Variants in CDK17 observed in about 807,000 individuals in gnomAD.
The protein encoded by CDK17 is cyclin-dependent kinase 17.
In CDK17, 24 loss-of-function variants were observed where a neutral mutation model predicts 77.6. The observed-to-expected ratio is 0.31, with a 90% CI of 0.22 to 0.44. The LOEUF is 0.44. CDK17 is among the 20% of genes least tolerant of loss of function. The probability of loss-of-function intolerance (pLI) is 1.00; values close to 1 mark genes in which losing one functional copy is unlikely to be tolerated. For missense variants in CDK17, 429 were observed against 622.5 expected (o/e 0.69, Z 3.31); for synonymous variants, 203 against 210.4 (o/e 0.96, Z 0.30).
At chr12:96,351,829 T>G (rs150550789) in intron 1 of CDK17, among the ~76,000 whole-genome samples, 7 of 152,334 alleles carry the variant, frequency 4.6e-5, no homozygotes, top group African/African-American at 1.7e-4. Flanking sequence ...ATACCAATTA[T>G]GCTGAACACA....
At chr12:96,287,669 G>A (rs1044432376) in intron 11 of CDK17, among the ~76,000 whole-genome samples, 7 of 151,966 alleles carry the variant, frequency 4.6e-5, no homozygotes, top group Non-Finnish European at 7.4e-5. Flanking sequence ...AAAAAGAGAA[G>A]GAGAGAGAGA....
At position 96,385,240 on chromosome 12, in the gene CDK17, A is replaced by C. The variant is rs1222936217; in HGVS notation, c.-30+14746T>G. ...GGCAGGAGAGTTGCTTGAACCCGGGAGGCGGAGAGGTTGCAGTGGGCCAAG... is the reference window on the plus strand; with the variant it reads ...GGCAGGAGAGTTGCTTGAACCCGGGCGGCGGAGAGGTTGCAGTGGGCCAAG... On this transcript the variant is annotated intron_variant, in intron 1 of 16. Coordinates refer to ENST00000261211, the MANE Select transcript of CDK17 (RefSeq NM_002595.5). Among the ~76,000 whole-genome samples, 5 of 111,728 alleles carry C rather than the reference A, an allele frequency of 4.5e-5. No individual in the cohort carries two copies. In the East Asian group the frequency reaches 1.5e-3, roughly 33 times the overall value. The allele number at this position is 111,728 out of a possible 152,430, so 73.3% of individuals were successfully genotyped here. A position where few individuals can be genotyped will look rare whatever the true frequency, so the allele number is the denominator to read the frequency against.
intron 1 of CDK17, among the ~76,000 whole-genome samples, chr12:96,355,398 GTTTT>G (rs58937020): frequency 1.1e-4 from 8 of 72,452 alleles, no homozygotes; most frequent in Non-Finnish European, 1.9e-4. Context: ...TCTACATTGG[GTTTT>G]TTTTTTTTTT....
At chr12:96,295,923 A>G (rs145399930) in intron 9 of CDK17, among the ~76,000 whole-genome samples, 1 of 152,308 alleles carries the variant, frequency 6.6e-6, no homozygotes, top group Non-Finnish European at 1.5e-5. Flanking sequence ...AGTACAGAGG[A>G]TTCAAGAGTT....
chr12:96,364,386 G>A (rs1286792911), intron 1 of CDK17, among the ~76,000 whole-genome samples: 1 of 152,098 alleles, frequency 6.6e-6, no homozygotes, highest in Non-Finnish European at 1.5e-5. Context: ...ATGTGTTCCA[G>A]CAATCCAGAT....
Position 96,280,832 on chromosome 12 carries a change from G to A in CDK17, c.1510C>T (p.Arg504Ter), listed in dbSNP as rs750936507. The change falls in exon 16 of 17, where the codon CGA becomes TGA. Residue 504 changes from arginine to a stop codon, truncating the protein, a stop_gained. Transcript: ENST00000261211. LOFTEE classifies it high-confidence loss of function. ...CCTGTCTCTGGATAAGAAGAATTTC[G>A]AAAACCCGGGTCCTTTTGCAACTGA... ...EIQLQKDPGF[R>*]NSSYPETGHG... is the part of the protein sequence containing the mutation. 4.3e-6 allele frequency: 7 copies of A among 1,613,824 alleles called. No homozygotes were observed. Among genetic ancestry groups the A allele is most frequent in the South Asian group, 2.2e-5 (2 of 91,054 alleles).
intron 1 of CDK17, among the ~76,000 whole-genome samples, chr12:96,364,406 C>A (rs1026270453): frequency 6.6e-6 from 1 of 152,218 alleles, no homozygotes; most frequent in African/African-American, 2.4e-5. Flanking sequence ...TCTTCAAAAA[C>A]ACAGGTATTA....
intron 1 of CDK17, among the ~76,000 whole-genome samples, chr12:96,338,727 T>C (rs544676645): frequency 6.6e-6 from 1 of 152,144 alleles, no homozygotes; most frequent in South Asian, 2.1e-4. Flanking sequence ...ATTAACTTTT[T>C]TTTTGGTGAG....
intron 1 of CDK17, among the ~76,000 whole-genome samples, chr12:96,362,514 C>G (rs1391820242): frequency 6.6e-6 from 1 of 151,944 alleles, no homozygotes; most frequent in African/African-American, 2.4e-5. Context: ...CCACCATGCC[C>G]AGCCTCCACT....
At chr12:96,345,393 G>A (rs1953190058) in intron 1 of CDK17, among the ~76,000 whole-genome samples, 1 of 152,160 alleles carries the variant, frequency 6.6e-6, no homozygotes, top group Admixed American at 6.5e-5. Flanking sequence ...AATCTTTGAG[G>A]AATCGCCACA....
chr12:96,336,969 A>G (rs892919549), intron 1 of CDK17, among the ~76,000 whole-genome samples: 4 of 152,102 alleles, frequency 2.6e-5, no homozygotes, highest in Non-Finnish European at 5.9e-5. Flanking sequence ...ATGCTTAGTA[A>G]TTTTTTATTG....
At chr12:96,280,449 C>T (rs1952160920) in intron 16 of CDK17, 170 bp from the exon 17 acceptor site, 1 of 1,426,636 alleles carries the variant, frequency 7.0e-7, no homozygotes, top group South Asian at 1.6e-5. Context: ...CAGTCTACAG[C>T]TTCTATGCTT....
chr12:96,361,038 G>C (rs1278989526), intron 1 of CDK17, among the ~76,000 whole-genome samples: 1 of 152,168 alleles, frequency 6.6e-6, no homozygotes, highest in East Asian at 1.9e-4. Context: ...GAAGTCGTAG[G>C]AACTATGAAA....
At chr12:96,286,808 A>G (rs761584942) in intron 11 of CDK17, 47 bp from the exon 12 acceptor site, 8 of 1,462,112 alleles carry the variant, frequency 5.5e-6, no homozygotes, top group Non-Finnish European at 7.6e-6. Context: ...TTTACATATT[A>G]TGAAGCACAA....
At chr12:96,302,892 C>G (rs911175654) in intron 5 of CDK17, 1 of 151,982 alleles carries the variant, frequency 6.6e-6, no homozygotes, top group Non-Finnish European at 1.5e-5. Flanking sequence ...TCCACCCATG[C>G]AGGCAGGCAG....
chr12:96,315,350 A>G (rs1236073766), intron 3 of CDK17, among the ~76,000 whole-genome samples: 1 of 152,230 alleles, frequency 6.6e-6, no homozygotes, highest in Non-Finnish European at 1.5e-5. Flanking sequence ...TAATATTCAT[A>G]AGCAGTTGCA....
intron 1 of CDK17, among the ~76,000 whole-genome samples, chr12:96,388,004 T>C (rs756503872): frequency 6.6e-6 from 1 of 151,714 alleles, no homozygotes; most frequent in Non-Finnish European, 1.5e-5. Context: ...GTGTGGCAGC[T>C]CACGCCTGTA....
At chr12:96,288,733 T>C (rs1269182334) in intron 11 of CDK17, among the ~76,000 whole-genome samples, 4 of 152,178 alleles carry the variant, frequency 2.6e-5, no homozygotes, top group African/African-American at 9.7e-5. Context: ...ATATTTTGAT[T>C]ATTACTTTTA....
intron 15 of CDK17, 166 bp downstream of exon 15, chr12:96,282,343 C>A: frequency 1.8e-6 from 1 of 561,528 alleles, no homozygotes; most frequent in Non-Finnish European, 3.2e-6. Flanking sequence ...ATAACTGAAT[C>A]ATAGGGAAAT....
Sources: allele counts gnomAD v4.1 joint callset (sites outside exome capture counted in the v4.1 genomes callset), GRCh38; gene constraint gnomAD v4.1.1; transcripts MANE v1.5; gene names NCBI Gene and HGNC (gene_info 2026-07-23, HGNC 2026-07-21).